PHLDB2: variants seen among roughly 807,000 people sequenced by gnomAD.
The protein encoded by PHLDB2 is pleckstrin homology like domain family B member 2, also known as pleckstrin homology-like domain family B member 2.
Under a neutral mutation model 123.6 loss-of-function variants are expected in PHLDB2, and 71 were observed. The observed-to-expected ratio is 0.57, with a 90% CI of 0.47 to 0.70. The LOEUF is 0.70. PHLDB2 is among the 30% of genes least tolerant of loss of function. The pLI is 0.00. For synonymous variants in PHLDB2, 547 were observed against 541.6 expected (o/e 1.01, Z -0.14); for missense variants, 1,446 against 1,519.5 (o/e 0.95, Z 0.80).
chr3:111,935,253 C>A (rs1463904428), intron 6 of PHLDB2, among the ~76,000 whole-genome samples: 1 of 151,830 alleles, frequency 6.6e-6, no homozygotes, highest in African/African-American at 2.4e-5. Flanking sequence ...GCACCTGCCA[C>A]CATGCCTGGC....
intron 1 of PHLDB2, among the ~76,000 whole-genome samples, chr3:111,756,112 GA>G (rs1038749873): frequency 6.6e-6 from 1 of 152,140 alleles, no homozygotes; most frequent in Non-Finnish European, 1.5e-5. Flanking sequence ...GTGTGGTGCT[GA>G]AAAAAATGTA....
chr3:111,824,143 C>G (rs1296551955), intron 1 of PHLDB2, among the ~76,000 whole-genome samples: 1 of 152,184 alleles, frequency 6.6e-6, no homozygotes, highest in Non-Finnish European at 1.5e-5. Context: ...CTTAGCCATA[C>G]CCTCTGATCT....
At position 111,975,541 on chromosome 3, in the gene PHLDB2, C is replaced by T. The variant is rs187110547; in HGVS notation, c.*978C>T. The T allele has an allele frequency of 4.3e-4, 65 of 152,282 alleles. No homozygotes were observed. Among genetic ancestry groups the T allele is most frequent in the African/African-American group, 1.5e-3 (64 of 41,538 alleles). The allele number at this position is 152,282 out of a possible 1,614,324, so 9.4% of individuals were successfully genotyped here. A position where few individuals can be genotyped will look rare whatever the true frequency, so the allele number is the denominator to read the frequency against. ...TATGAAATCATAGCTCTGTTTTCAC[C>T]AAAGAACAGACCAATTAACATACTT... On this transcript the variant is annotated 3_prime_UTR_variant, in exon 18 of 18. Coordinates refer to ENST00000431670, the MANE Select transcript of PHLDB2 (RefSeq NM_001134438.2).
intron 2 of PHLDB2, among the ~76,000 whole-genome samples, chr3:111,911,284 C>T (rs1164498864): frequency 6.6e-6 from 1 of 152,136 alleles, no homozygotes. Context: ...TGTTATACTA[C>T]AAAGATTAGG....
At chr3:111,739,173 A>G (rs2059557690) in intron 1 of PHLDB2, among the ~76,000 whole-genome samples, 1 of 152,168 alleles carries the variant, frequency 6.6e-6, no homozygotes, top group Admixed American at 6.6e-5. Flanking sequence ...GATCATTCCT[A>G]TCTCTTGGGT....
intron 1 of PHLDB2, among the ~76,000 whole-genome samples, chr3:111,821,232 C>G (rs73855638): frequency 6.6e-6 from 1 of 152,176 alleles, no homozygotes; most frequent in Admixed American, 6.5e-5. Flanking sequence ...TCTGGTCAGA[C>G]CAGGCTCATT....
intron 1 of PHLDB2, among the ~76,000 whole-genome samples, chr3:111,778,949 A>G (rs9823974): frequency 0.37 from 56,440 of 151,968 alleles, 12,847 homozygotes; most frequent in Middle Eastern, 0.54. Context: ...TTTAGCATCT[A>G]TGTGGTTCAT....
At chr3:111,757,525 C>T (rs894243472) in intron 1 of PHLDB2, among the ~76,000 whole-genome samples, 2 of 152,158 alleles carry the variant, frequency 1.3e-5, no homozygotes, top group African/African-American at 4.8e-5. Context: ...TGAATTTCCT[C>T]CTGTAGCTCG....
intron 5 of PHLDB2, among the ~76,000 whole-genome samples, chr3:111,925,880 G>A (rs113573571): frequency 3.9e-5 from 6 of 152,154 alleles, no homozygotes; most frequent in Admixed American, 2.6e-4. Context: ...TTCTATTTAT[G>A]GATTATCTGT....
intron 14 of PHLDB2, 90 bp from the exon 15 acceptor site, chr3:111,967,588 C>G (rs1450693110): frequency 7.5e-7 from 1 of 1,328,902 alleles, no homozygotes. Flanking sequence ...CAAGATTTGT[C>G]TAGTAAGAAT....
intron 1 of PHLDB2, among the ~76,000 whole-genome samples, chr3:111,783,176 C>A (rs528704592): frequency 1.3e-5 from 2 of 152,170 alleles, no homozygotes; most frequent in South Asian, 2.1e-4. Context: ...GCATCAAGGT[C>A]ATGGGAAAAT....
At chr3:111,935,180 AG>A (rs1404636588) in intron 6 of PHLDB2, among the ~76,000 whole-genome samples, 1 of 146,124 alleles carries the variant, frequency 6.8e-6, no homozygotes, top group Non-Finnish European at 1.5e-5. Context: ...GCTCACTGCA[AG>A]CTCCACCTCC....
chr3:111,850,525 C>T (rs2064203830), intron 2 of PHLDB2, among the ~76,000 whole-genome samples: 1 of 152,100 alleles, frequency 6.6e-6, no homozygotes. Context: ...AATAACCATA[C>T]TAAGATGAAG....
chr3:111,879,944 A>AT, intron 1 of PHLDB2, among the ~76,000 whole-genome samples: 1 of 141,660 alleles, frequency 7.1e-6, no homozygotes, highest in East Asian at 2.1e-4. Context: ...TAGCTGTTGA[A>AT]TTTCCTCAAG....
chr3:111,780,404 A>AAGAAGAAGAAGGAAGG, intron 1 of PHLDB2, among the ~76,000 whole-genome samples: 1 of 146,212 alleles, frequency 6.8e-6, no homozygotes, highest in South Asian at 2.2e-4. Context: ...GAAGAAGAAG[A>AAGAAGAAGAAGGAAGG]AGAAGAAAAA....
At chr3:111,964,938 A>T (rs2107673446) in intron 13 of PHLDB2, among the ~76,000 whole-genome samples, 1 of 152,274 alleles carries the variant, frequency 6.6e-6, no homozygotes, top group African/African-American at 2.4e-5. Context: ...AATTAATGAG[A>T]GATATAAAAC....
chr3:111,903,584 A>G (rs771200590), intron 2 of PHLDB2, among the ~76,000 whole-genome samples: 1 of 152,164 alleles, frequency 6.6e-6, no homozygotes, highest in Non-Finnish European at 1.5e-5. Context: ...TTTCCCTGAA[A>G]ATAATTGGGT....
intron 1 of PHLDB2, among the ~76,000 whole-genome samples, chr3:111,878,617 G>A (rs996916199): frequency 1.5e-4 from 23 of 152,100 alleles, no homozygotes; most frequent in South Asian, 2.1e-4. Flanking sequence ...AGAAGGCATC[G>A]TTGTCTTGTG....
chr3:111,835,429 A>G (rs554438768), intron 1 of PHLDB2, among the ~76,000 whole-genome samples: 215 of 152,326 alleles, frequency 1.4e-3, no homozygotes, highest in Admixed American at 3.4e-3. Context: ...TTGACACTTA[A>G]TAATGGTGCC....
Sources: allele counts gnomAD v4.1 joint callset (sites outside exome capture counted in the v4.1 genomes callset), GRCh38; gene constraint gnomAD v4.1.1; transcripts MANE v1.5; gene names NCBI Gene and HGNC (gene_info 2026-07-23, HGNC 2026-07-21).